The following DCAF5 variants were observed in gnomAD, a reference collection of about 807,000 sequenced individuals.
DCAF5 encodes DDB1 and CUL4 associated factor 5.
In DCAF5, 9 loss-of-function variants were observed where a neutral mutation model predicts 80.7. The ratio of observed to expected loss-of-function variants is 0.11; its 90% CI spans 0.07 to 0.19. The LOEUF (loss-of-function observed/expected upper bound fraction) is 0.19. DCAF5 is among the 10% of genes least tolerant of loss of function. The probability of loss-of-function intolerance (pLI) is 1.00; values close to 1 mark genes in which losing one functional copy is unlikely to be tolerated. For missense variants in DCAF5, 842 were observed against 1,205.7 expected, an observed-to-expected ratio of 0.70 and a Z score of 4.47; for synonymous variants, 433 against 461.9, an observed-to-expected ratio of 0.94 and a Z score of 0.80.
In DCAF5 at chr14:69,055,249, G is replaced by A. The variant is rs758528270; in HGVS notation, c.1437C>T (p.Asn479=). The A allele has an allele frequency of 4.3e-6, 7 of 1,614,088 alleles. No individual in the cohort carries two copies. The highest frequency in any genetic ancestry group is 2.2e-5 in the East Asian group (1 of 44,892). Reference sequence around the variant, plus strand: ...CCCGCAGGGGCCCCAGGTGGAAGGCGTTGTCGGCAGACTCATCTACTGTGG... The same window carrying A: ...CCCGCAGGGGCCCCAGGTGGAAGGCATTGTCGGCAGACTCATCTACTGTGG... ...PPPTVDESAD[N]AFHLGPLRVT... The change falls in exon 9 of 9, where the codon AAC becomes AAT. Residue 479 remains asparagine, a synonymous_variant. Coordinates refer to ENST00000341516, the MANE Select transcript of DCAF5 (RefSeq NM_003861.3). The surrounding 1 kb of genome is among the most constrained non-coding windows in gnomAD (Gnocchi z 5.6).
intron 6 of DCAF5, among the ~76,000 whole-genome samples, chr14:69,087,428 C>CCGCA (rs1426016341): frequency 6.6e-6 from 1 of 152,148 alleles, no homozygotes; most frequent in African/African-American, 2.4e-5. Flanking sequence ...CTGCCAGAGT[C>CCGCA]CGCACTATAT....
At chr14:69,094,925 T>C (rs997967161) in intron 5 of DCAF5, among the ~76,000 whole-genome samples, 1 of 152,116 alleles carries the variant, frequency 6.6e-6, no homozygotes, top group Non-Finnish European at 1.5e-5. Context: ...AACCACACTG[T>C]GAGAAACATG....
rs563760176 is a variant in DCAF5, at chr14:69,062,321, A to G, written c.1074+63T>C. ...TATGAGGTCCTACATAAATTGTTCT[A>G]GTTTCTTCTAATTATAAATTGTGAG... On this transcript the variant is annotated intron_variant, in intron 8 of 8. Coordinates refer to ENST00000341516, the MANE Select transcript of DCAF5 (RefSeq NM_003861.3). 38 of 1,567,392 alleles carry G rather than the reference A, an allele frequency of 2.4e-5. No individual in the cohort carries two copies. The South Asian group carries it at 3.8e-4, about 16-fold the overall frequency.
intron 6 of DCAF5, among the ~76,000 whole-genome samples, chr14:69,088,771 T>C (rs1224754076): frequency 3.3e-5 from 5 of 152,158 alleles, no homozygotes; most frequent in Non-Finnish European, 7.4e-5. Flanking sequence ...CACACAGGAA[T>C]GAGGTCAAAT....
At chr14:69,146,167 T>A (rs184706600) in intron 1 of DCAF5, among the ~76,000 whole-genome samples, 8 of 152,352 alleles carry the variant, frequency 5.3e-5, no homozygotes, top group Non-Finnish European at 7.4e-5. Context: ...TTGCTCTCTT[T>A]AGGAAATCTT....
chr14:69,075,431 A>G lies in DCAF5; in HGVS notation c.880-20T>C, dbSNP rs749901336. 1.5e-5 allele frequency: 22 copies of G among 1,495,430 alleles called. No homozygotes were observed. The highest frequency in any genetic ancestry group is 2.0e-5 in the Non-Finnish European group (22 of 1,088,786). The allele number at this position is 1,495,430 out of a possible 1,614,324, so 92.6% of individuals were successfully genotyped here. On this transcript the variant is annotated intron_variant, in intron 6 of 8. Coordinates refer to ENST00000341516, the MANE Select transcript of DCAF5 (RefSeq NM_003861.3). ...GATATACTGTTGGAACAAAAAATATATAGATAACATTATATATTATAATAT... is the reference window on the plus strand; with the variant it reads ...GATATACTGTTGGAACAAAAAATATGTAGATAACATTATATATTATAATAT...
At chr14:69,108,134 T>G (rs73278965) in intron 5 of DCAF5, among the ~76,000 whole-genome samples, 1,632 of 152,348 alleles carry the variant, frequency 0.011, 33 homozygotes, top group African/African-American at 0.037. Context: ...AGATCATAAG[T>G]ACTTTACAGA....
At chr14:69,121,570 G>C (rs2040718592) in intron 2 of DCAF5, among the ~76,000 whole-genome samples, 2 of 152,210 alleles carry the variant, frequency 1.3e-5, no homozygotes, top group Non-Finnish European at 2.9e-5. Flanking sequence ...CAGACAAGAA[G>C]AAATTTTCAC....
intron 6 of DCAF5, chr14:69,091,183 C>A (rs745998730): frequency 2.7e-5 from 19 of 712,168 alleles, no homozygotes; most frequent in Middle Eastern, 2.3e-4. Context: ...AAAGAGTCAG[C>A]ATCTGGCTCC....
intron 7 of DCAF5, among the ~76,000 whole-genome samples, chr14:69,064,011 G>A (rs896954449): frequency 3.9e-5 from 6 of 152,172 alleles, no homozygotes; most frequent in African/African-American, 1.4e-4. Context: ...TAGGACACAG[G>A]ATTAGTGGAT....
intron 7 of DCAF5, 54 bp downstream of exon 7, chr14:69,075,291 C>A: frequency 6.7e-7 from 1 of 1,496,956 alleles, no homozygotes; most frequent in South Asian, 1.2e-5. Context: ...CACAGCATGC[C>A]AAAGGTCAAC....
At chr14:69,070,704 G>A (rs1209721416) in intron 7 of DCAF5, among the ~76,000 whole-genome samples, 2 of 152,050 alleles carry the variant, frequency 1.3e-5, no homozygotes, top group Non-Finnish European at 2.9e-5. Flanking sequence ...TACTTTAGAG[G>A]TCTTAGACAT....
chr14:69,127,727 G>A (rs2040920183), intron 1 of DCAF5, among the ~76,000 whole-genome samples: 1 of 152,148 alleles, frequency 6.6e-6, no homozygotes, highest in Non-Finnish European at 1.5e-5. Flanking sequence ...CAATGAAGGA[G>A]GCTATGCAGG....
rs1166877568 is a variant in DCAF5 at position 69,054,320 on chromosome 14, G to C, written c.2366C>G (p.Ala789Gly). Residue 789 changes from alanine to glycine, a missense_variant, in exon 9 of 9, where the codon GCT becomes GGT. Ala to Gly is a moderately conservative substitution (Grantham distance 60). Around this residue, in one of 5 missense-constraint regions of DCAF5, gnomAD observed 607 missense variants for 656.6 expected, o/e 0.92. Transcript: ENST00000341516. ...KLNGKALSSR[A>G]EEPPSPPVPK... ...GACAGGAGGAGAAGGCGGCTCCTCA[G>C]CCCGACTGCTCAGGGCCTTTCCATT... The C allele has an allele frequency of 1.9e-6, 3 of 1,614,060 alleles. No individual in the cohort carries two copies. Among genetic ancestry groups the C allele is most frequent in the Admixed American group, 1.7e-5 (1 of 60,014 alleles).
chr14:69,141,973 C>G (rs1389942245), intron 1 of DCAF5, among the ~76,000 whole-genome samples: 3 of 152,114 alleles, frequency 2.0e-5, no homozygotes, highest in Non-Finnish European at 2.9e-5. Context: ...ATTATCAACT[C>G]TGTATCCCGA....
rs768021246 is a variant in DCAF5, at chr14:69,054,843, A to G, written c.1843T>C (p.Tyr615His). The G allele has an allele frequency of 9.3e-6, 15 of 1,614,020 alleles. No homozygotes were observed. In the African/African-American group the frequency reaches 1.7e-4, roughly 19 times the overall value. The part of the protein sequence containing the change: ...PTNTYIGEDN[Y>H]DYPQIKVDDL... ...TCCACTTTGATCTGGGGGTAATCAT[A>G]GTTGTCTTCTCCAATGTAAGTGTTG... The change falls in exon 9 of 9, where the codon TAT becomes CAT. Residue 615 changes from tyrosine (Y) to histidine (H), a missense_variant. By Grantham distance (83) the Tyr-to-His change is moderately conservative (BLOSUM62 2). Coordinates refer to ENST00000341516, the MANE Select transcript of DCAF5 (RefSeq NM_003861.3).
intron 6 of DCAF5, among the ~76,000 whole-genome samples, chr14:69,085,618 T>C (rs1281670602): frequency 1.3e-5 from 2 of 152,230 alleles, no homozygotes; most frequent in Non-Finnish European, 2.9e-5. Context: ...GTAAGGAATA[T>C]CTCATCTTTC....
intron 6 of DCAF5, among the ~76,000 whole-genome samples, chr14:69,080,114 T>C (rs921743808): frequency 1.3e-5 from 2 of 152,190 alleles, no homozygotes; most frequent in Non-Finnish European, 2.9e-5. Context: ...AGAGCTCTTT[T>C]GTCTTTTTTT....
intron 7 of DCAF5, 52 bp from the exon 8 acceptor site, chr14:69,062,563 A>G: frequency 6.2e-7 from 1 of 1,602,152 alleles, no homozygotes; most frequent in Non-Finnish European, 8.5e-7. Context: ...ATGAAAGTAA[A>G]TAGGTTCCAG....
Sources: allele counts gnomAD v4.1 joint callset (sites outside exome capture counted in the v4.1 genomes callset), GRCh38; gene constraint gnomAD v4.1.1; regional missense constraint gnomAD v4.1.1; non-coding constraint Gnocchi (gnomAD v3.1); transcripts MANE v1.5; gene names NCBI Gene and HGNC (gene_info 2026-07-23, HGNC 2026-07-21).